GET1: variants seen among roughly 807,000 people sequenced by gnomAD.
GET1 encodes the protein guided entry of tail-anchored proteins factor 1, also known as congenital heart disease 5 protein.
In GET1, 20 loss-of-function variants were observed where a neutral mutation model predicts 22.6. That is an observed-to-expected ratio of 0.89 (90% CI 0.62 to 1.29). The LOEUF (loss-of-function observed/expected upper bound fraction) is 1.29, where lower values mean the gene tolerates loss of function less well. GET1 is among the 50% of genes most tolerant of loss of function. GET1 has a pLI of 0.00. For synonymous variants in GET1, 92 were observed against 83.8 expected (o/e 1.10, Z -0.53); for missense variants, 209 against 219.9 (o/e 0.95, Z 0.31).
At position 39,390,680 on chromosome 21, in the gene GET1, C is replaced by T. The variant is rs752192920; in HGVS notation, c.103-18C>T. The T allele has an allele frequency of 3.3e-5, 54 of 1,613,492 alleles. No homozygotes were observed. Among genetic ancestry groups the T allele is most frequent in the Middle Eastern group, 1.7e-4 (1 of 6,060 alleles). ...ACCCGTGTTGGAAGGTGCTGATCCC[C>T]GTTGTCCGCCCTGCCAGATGTCCAG... On this transcript the variant is annotated intron_variant, in intron 1 of 4. Transcript: ENST00000649170.
At chr21:39,392,833 T>A (rs2038395790) in intron 3 of GET1, 1 of 225,848 alleles carries the variant, frequency 4.4e-6, no homozygotes, top group Non-Finnish European at 8.7e-6. Context: ...GAGACTTTGG[T>A]TAGTTTATCA....
chr21:39,402,080 G>A (rs533496004), downstream of GET1, among the ~76,000 whole-genome samples: 1 of 151,952 alleles, frequency 6.6e-6, no homozygotes, highest in South Asian at 2.1e-4. Flanking sequence ...CGTGTCTTTC[G>A]TGCTAGCTTT....
chr21:39,411,784 C>T (rs1285539638), intron 1 of GET1: 1 of 1,586,408 alleles, frequency 6.3e-7, no homozygotes, highest in African/African-American at 1.3e-5. Flanking sequence ...TTTTTAATTT[C>T]AAGCTCACGA....
chr21:39,399,518 C>A (rs1275253586), downstream of GET1, among the ~76,000 whole-genome samples: 1 of 152,074 alleles, frequency 6.6e-6, no homozygotes, highest in Non-Finnish European at 1.5e-5. Context: ...GATCTCGGCT[C>A]ACTGCAACCT....
At chr21:39,412,311 G>GC (rs1169847823) in intron 1 of GET1, among the ~76,000 whole-genome samples, 1 of 152,160 alleles carries the variant, frequency 6.6e-6, no homozygotes, top group Non-Finnish European at 1.5e-5. Flanking sequence ...CTAGACAAGG[G>GC]CCGGGGGGGA....
downstream of GET1, among the ~76,000 whole-genome samples, chr21:39,400,874 G>A (rs543114229): frequency 2.0e-5 from 3 of 152,030 alleles, no homozygotes; most frequent in East Asian, 3.9e-4. Context: ...TAAAGGGTAG[G>A]GTAATCATTC....
chr21:39,420,686 T>C, intron 1 of GET1: 1 of 1,595,856 alleles, frequency 6.3e-7, no homozygotes, highest in African/African-American at 1.3e-5. Flanking sequence ...CATTCTTACA[T>C]TTTGTTTTAA....
chr21:39,426,629 C>A (rs9979353), intron 1 of GET1, among the ~76,000 whole-genome samples: 31 of 152,102 alleles, frequency 2.0e-4, no homozygotes, highest in Non-Finnish European at 4.1e-4. Context: ...AGTGAAATAA[C>A]TAAAGATCTG....
intron 1 of GET1, among the ~76,000 whole-genome samples, chr21:39,385,588 T>C (rs2037831449): frequency 6.6e-6 from 1 of 152,178 alleles, no homozygotes; most frequent in African/African-American, 2.4e-5. Flanking sequence ...CAAAGACGCC[T>C]TTGGTGAGCA....
At chr21:39,390,961 G>A in intron 2 of GET1, 98 bp downstream of exon 2, 1 of 1,369,254 alleles carries the variant, frequency 7.3e-7, no homozygotes, top group Non-Finnish European at 9.9e-7. Context: ...CTTCTTGGAT[G>A]TTCTGAATAT....
intron 1 of GET1, chr21:39,420,722 A>G (rs1264207527): frequency 6.2e-7 from 1 of 1,611,774 alleles, no homozygotes; most frequent in Non-Finnish European, 8.5e-7. Context: ...TTTTTGTTGA[A>G]GGTGTTTTAC....
chr21:39,422,875 T>C, intron 1 of GET1: 1 of 1,055,428 alleles, frequency 9.5e-7, no homozygotes, highest in Non-Finnish European at 1.4e-6. Flanking sequence ...GTGAAGCAGT[T>C]AGTAATGCTT....
intron 1 of GET1, chr21:39,387,699 C>G (rs6517548): frequency 1.1e-5 from 9 of 801,540 alleles, no homozygotes; most frequent in Middle Eastern, 6.5e-4. Flanking sequence ...ACTCCCCCCC[C>G]CCACTTTTGC....
chr21:39,383,803 C>G (rs1054995934), intron 1 of GET1, among the ~76,000 whole-genome samples: 4 of 151,948 alleles, frequency 2.6e-5, no homozygotes, highest in South Asian at 2.1e-4. Context: ...TGCAGTGGCT[C>G]AATCTTGGCT....
At chr21:39,383,484 G>A (rs2037696039) in intron 1 of GET1, among the ~76,000 whole-genome samples, 1 of 151,252 alleles carries the variant, frequency 6.6e-6, no homozygotes, top group African/African-American at 2.4e-5. Context: ...GTTTCACCAT[G>A]TTGGCCAGGC....
At chr21:39,384,564 ATTTTTT>A (rs35895251) in intron 1 of GET1, among the ~76,000 whole-genome samples, 2 of 144,494 alleles carry the variant, frequency 1.4e-5, no homozygotes, top group Admixed American at 6.9e-5. Context: ...CTGGCCGACA[ATTTTTT>A]TTTTTTTTTT....
At chr21:39,421,023 A>C (rs1378308876) in intron 1 of GET1, among the ~76,000 whole-genome samples, 1 of 152,144 alleles carries the variant, frequency 6.6e-6, no homozygotes, top group Non-Finnish European at 1.5e-5. Context: ...CCCAAATCCC[A>C]GATCCCAGCT....
intron 1 of GET1, among the ~76,000 whole-genome samples, chr21:39,419,547 A>G (rs1260037407): frequency 3.3e-4 from 49 of 150,550 alleles, no homozygotes; most frequent in Non-Finnish European, 5.7e-4. Flanking sequence ...AAAAAAGAAA[A>G]AAGAAAGAAA....
At chr21:39,420,888 T>G (rs780616784) in intron 1 of GET1, 15 of 1,473,902 alleles carry the variant, frequency 1.0e-5, no homozygotes, top group Non-Finnish European at 1.3e-5. Context: ...CAAGTTAGTA[T>G]GTTAAAAACT....
Sources: allele counts gnomAD v4.1 joint callset (sites outside exome capture counted in the v4.1 genomes callset), GRCh38; gene constraint gnomAD v4.1.1; transcripts MANE v1.5; gene names NCBI Gene and HGNC (gene_info 2026-07-23, HGNC 2026-07-21).